GSN: variants seen among roughly 807,000 people sequenced by gnomAD.
GSN encodes gelsolin.
GSN carries 56 observed loss-of-function variants against 85.7 expected under a neutral mutation model. That is an observed-to-expected ratio of 0.65 (90% CI 0.53 to 0.82). The LOEUF (loss-of-function observed/expected upper bound fraction) is 0.82. GSN is among the 40% of genes least tolerant of loss of function. The probability of loss-of-function intolerance (pLI) is 0.00; values close to 1 mark genes in which losing one functional copy is unlikely to be tolerated. For missense variants in GSN, 857 were observed against 979.8 expected, an observed-to-expected ratio of 0.87 and a Z score of 1.67; for synonymous variants, 373 against 399.1, an observed-to-expected ratio of 0.93 and a Z score of 0.78.
intron 14 of GSN, among the ~76,000 whole-genome samples, chr9:121,328,550 T>C (rs1322931602): frequency 6.6e-6 from 1 of 152,218 alleles, no homozygotes; most frequent in Non-Finnish European, 1.5e-5. Flanking sequence ...ACACTTACCA[T>C]CTGTGTGACC....
chr9:121,250,806 G>T (rs1256422981), intron 6 of GSN, among the ~76,000 whole-genome samples: 4 of 150,824 alleles, frequency 2.7e-5, no homozygotes, highest in Non-Finnish European at 5.9e-5. Context: ...CAAAATGCTG[G>T]GGTTACAGGT....
intron 2 of GSN, 155 bp downstream of exon 2, chr9:121,281,717 G>T (rs912402088): frequency 2.1e-6 from 1 of 471,218 alleles, no homozygotes; most frequent in Non-Finnish European, 4.4e-6. Flanking sequence ...CTCAGAGTGC[G>T]TCTCTGCTCC....
chr9:121,332,322 G>C lies in GSN; in HGVS notation c.2027-112G>C, dbSNP rs1235543371. On this transcript the variant is annotated intron_variant, in intron 17 of 17. Coordinates refer to ENST00000432226, the MANE Select transcript of GSN (RefSeq NM_198252.3). The surrounding 1 kb of genome is among the most constrained non-coding windows in gnomAD (Gnocchi z 4.8). ...GGGCAGGGGGTGGGCAGTAGGGACA[G>C]TAGGACCATAGACCCTCTTCTTTGT... The C allele has an allele frequency of 7.1e-6, 7 of 991,960 alleles. No individual in the cohort carries two copies. In the East Asian group the frequency reaches 1.7e-4, roughly 24 times the overall value. 61.4% of individuals were successfully genotyped at this position (991,960 alleles called of 1,614,324 possible). A position where few individuals can be genotyped will look rare whatever the true frequency, so the allele number is the denominator to read the frequency against.
chr9:121,325,657 G>A (rs529821982), intron 12 of GSN, among the ~76,000 whole-genome samples: 20 of 152,302 alleles, frequency 1.3e-4, no homozygotes, highest in African/African-American at 4.3e-4. Context: ...TCCGTCCTAC[G>A]GTGGGAGTGG....
intron 2 of GSN, among the ~76,000 whole-genome samples, chr9:121,294,201 A>G (rs901609671): frequency 5.9e-5 from 9 of 152,134 alleles, no homozygotes; most frequent in African/African-American, 1.9e-4. Context: ...GTGACTCTCC[A>G]AAGTCTTCTG....
Position 121,318,977 on chromosome 9 carries a change from T to A in GSN, c.1191+97T>A. On this transcript the variant is annotated intron_variant, in intron 10 of 17. Transcript: ENST00000432226. The surrounding 1 kb of genome is among the most constrained non-coding windows in gnomAD (Gnocchi z 4.3). ...CCCAAGGAGGTTTCTCTCTGAGGTT[T>A]GCACAACTTTGGTAGCTGAGATTCT... The A allele has an allele frequency of 1.0e-6, 1 of 973,528 alleles. No individual in the cohort carries two copies. 60.3% of individuals were successfully genotyped at this position (973,528 alleles called of 1,614,324 possible).
intron 5 of GSN, among the ~76,000 whole-genome samples, chr9:121,242,807 C>T (rs117348143): frequency 6.6e-6 from 1 of 152,192 alleles, no homozygotes; most frequent in East Asian, 1.9e-4. Context: ...TGATGCAATT[C>T]TGGCCTATGA....
intron 5 of GSN, among the ~76,000 whole-genome samples, chr9:121,247,116 A>G (rs1340997381): frequency 6.6e-6 from 1 of 151,472 alleles, no homozygotes; most frequent in Non-Finnish European, 1.5e-5. Context: ...ATTTTGGTTG[A>G]CTGCGGAAAG....
In GSN at chr9:121,326,608, G is replaced by A. The variant is rs58750568; in HGVS notation, c.1513G>A (p.Gly505Arg). 373 of 1,608,108 alleles carry A rather than the reference G, an allele frequency of 2.3e-4. 1 individual carries two copies. Among genetic ancestry groups the A allele is most frequent in the East Asian group, 2.9e-4 (13 of 44,618 alleles). Residue 505 changes from glycine (G) to arginine (R), a missense_variant, in exon 13 of 18, where the codon GGG (glycine) becomes AGG (arginine). Transcript: ENST00000432226. ...CAAGGGCGGCACCTCCCGCGAGGGC[G>A]GGCAGACAGCCCCTGCCAGCACCCG... ...IYKGGTSREG[G>R]QTAPASTRLF...
intron 16 of GSN, 61 bp from the exon 17 acceptor site, chr9:121,331,327 C>T (rs563992283): frequency 5.6e-6 from 6 of 1,077,672 alleles, no homozygotes; most frequent in Non-Finnish European, 8.5e-6. Flanking sequence ...CCCAGTCTTC[C>T]TCCAGCCGTG....
At chr9:121,271,438 A>G (rs2055940555) in intron 1 of GSN, among the ~76,000 whole-genome samples, 1 of 152,202 alleles carries the variant, frequency 6.6e-6, no homozygotes, top group African/African-American at 2.4e-5. Context: ...CCTTGCAACC[A>G]TTCCTCTGAG....
At chr9:121,331,471 G>A (rs1260682569) in intron 17 of GSN, 23 bp downstream of exon 17, 3 of 1,336,152 alleles carry the variant, frequency 2.2e-6, no homozygotes, top group Non-Finnish European at 3.2e-6. Context: ...GTGCCTGGGG[G>A]CGGGGGGAGG....
chr9:121,323,952 C>T (rs1316574174), intron 11 of GSN, among the ~76,000 whole-genome samples: 2 of 152,248 alleles, frequency 1.3e-5, no homozygotes, highest in Middle Eastern at 3.4e-3. Context: ...GCTGCATCAG[C>T]GCATTAATAG....
rs1230214570 is a variant in GSN, at chr9:121,327,324, G to A, written c.1604G>A (p.Gly535Asp). 3.1e-6 allele frequency: 5 copies of A among 1,613,882 alleles called. No individual in the cohort carries two copies. In the African/African-American group the frequency reaches 4.0e-5, roughly 13 times the overall value. ...TRAVEVLPKA[G>D]ALNSNDAFVL... ...CCCTCCCAGGTATTGCCTAAGGCTG[G>A]TGCACTGAACTCCAACGATGCCTTT... Residue 535 changes from glycine (G) to aspartate (D), a missense_variant, in exon 14 of 18, where the codon GGT (glycine) becomes GAT (aspartate). Transcript: ENST00000432226.
intron 4 of GSN, among the ~76,000 whole-genome samples, chr9:121,303,994 C>A (rs959911148): frequency 6.6e-6 from 1 of 152,206 alleles, no homozygotes; most frequent in East Asian, 1.9e-4. Context: ...AGGACTAGAA[C>A]CCAGATGTTC....
At chr9:121,228,982 G>A (rs528013139) in intron 4 of GSN, among the ~76,000 whole-genome samples, 5 of 152,232 alleles carry the variant, frequency 3.3e-5, no homozygotes, top group South Asian at 2.1e-4. Context: ...GAGGAAGGCC[G>A]CTTTCTACAT....
At position 121,258,501 on chromosome 9, in the gene GSN, G is replaced by T. The variant is rs148158653; in HGVS notation, c.-340-6653G>T. On this transcript the variant is annotated intron_variant, in intron 6 of 24. Coordinates refer to the GSN transcript ENST00000373823. The stretch of plus-strand genomic sequence containing the variant: ...AAACTATATTGAAGATATTTAAGTA[G>T]TTACTGATTTTTTTTTAAATATGAA... Among the ~76,000 whole-genome samples the T allele has an allele frequency of 5.1e-3, 778 of 152,096 alleles. 1 individual carries two copies. Among genetic ancestry groups the T allele is most frequent in the Middle Eastern group, 0.017 (5 of 294 alleles).
intron 6 of GSN, among the ~76,000 whole-genome samples, chr9:121,254,319 G>A (rs551755887): frequency 2.6e-5 from 4 of 152,138 alleles, no homozygotes; most frequent in Admixed American, 6.5e-5. Flanking sequence ...TTGGCTTCCC[G>A]TGAAACAAGA....
chr9:121,300,096 G>C, intron 2 of GSN: 1 of 1,611,800 alleles, frequency 6.2e-7, no homozygotes, highest in African/African-American at 1.3e-5. Context: ...AGTAATTCAG[G>C]TCTAGAATGG....
Sources: allele counts gnomAD v4.1 joint callset (sites outside exome capture counted in the v4.1 genomes callset), GRCh38; gene constraint gnomAD v4.1.1; non-coding constraint Gnocchi (gnomAD v3.1); transcripts MANE v1.5; gene names NCBI Gene and HGNC (gene_info 2026-07-23, HGNC 2026-07-21).